Variants in INSRR observed in about 807,000 individuals in gnomAD.
INSRR encodes insulin receptor-related protein.
Under a neutral mutation model 130.0 loss-of-function variants are expected in INSRR, and 114 were observed. The observed-to-expected ratio is 0.88, with a 90% CI of 0.75 to 1.02. The LOEUF is 1.02. Ranked by LOEUF, INSRR falls within the 50% of genes least tolerant of loss-of-function variation. The probability of loss-of-function intolerance (pLI) is 0.00; values close to 1 mark genes in which losing one functional copy is unlikely to be tolerated. For missense variants in INSRR, 1,657 were observed against 1,735.2 expected, an observed-to-expected ratio of 0.95 and a Z score of 0.80; for synonymous variants, 674 against 705.2, an observed-to-expected ratio of 0.96 and a Z score of 0.70.
chr1:156,843,166 G>A lies in INSRR; in HGVS notation c.2964C>T (p.Gly988=). 6.2e-7 allele frequency: 1 copy of A among 1,614,076 alleles called. No individual in the cohort carries two copies. The highest frequency in any genetic ancestry group is 8.5e-7 in the Non-Finnish European group (1 of 1,180,048). ...GCCCCTCATATACCATCCCAAAAGA[G>A]CCCTGGCCCAGTTCCCGGATTATCG... ...QISIIRELGQ[G]SFGMVYEGLA... The change falls in exon 17 of 22, where the codon GGC becomes GGT. Residue 988 remains glycine, a synonymous_variant. Coordinates refer to ENST00000368195, the MANE Select transcript of INSRR (RefSeq NM_014215.3).
intron 7 of INSRR, among the ~76,000 whole-genome samples, chr1:156,848,157 C>T (rs535155141): frequency 6.6e-6 from 1 of 152,238 alleles, no homozygotes; most frequent in Admixed American, 6.5e-5. Context: ...AGGAGGGTCT[C>T]GGCCATTTGA....
intron 15 of INSRR, among the ~76,000 whole-genome samples, chr1:156,843,751 C>T (rs1480614898): frequency 6.6e-6 from 1 of 152,222 alleles, no homozygotes; most frequent in Non-Finnish European, 1.5e-5. Flanking sequence ...AGGTCCAGCC[C>T]CATTTTCCTC....
chr1:156,849,513 G>GGT, intron 5 of INSRR, 53 bp from the exon 6 acceptor site: 2 of 486,120 alleles, frequency 4.1e-6, no homozygotes, highest in Middle Eastern at 5.7e-4. Context: ...CAGGGGGTGG[G>GGT]AAAGGGGATG....
chr1:156,843,589 C>A, intron 15 of INSRR, 110 bp from the exon 16 acceptor site: 2 of 1,150,278 alleles, frequency 1.7e-6, no homozygotes, highest in East Asian at 2.3e-5. Context: ...ACTGACCACA[C>A]CCCCAGCCTT....
chr1:156,858,046 G>C (rs910989853), intron 1 of INSRR, among the ~76,000 whole-genome samples: 1 of 152,176 alleles, frequency 6.6e-6, no homozygotes, highest in East Asian at 1.9e-4. Context: ...GGCCCTAAGA[G>C]GGGGGACACA....
intron 4 of INSRR, 86 bp from the exon 5 acceptor site, chr1:156,851,520 G>C (rs1655206726): frequency 1.3e-6 from 2 of 1,598,138 alleles, no homozygotes; most frequent in East Asian, 2.2e-5. Context: ...GCCCCGGGAA[G>C]GTGGGCCCTC....
intron 6 of INSRR, 91 bp downstream of exon 6, chr1:156,849,155 C>CAA: frequency 6.2e-7 from 1 of 1,600,406 alleles, no homozygotes; most frequent in Non-Finnish European, 8.5e-7. Context: ...GAGAACTTCT[C>CAA]AGAGTGTCCC....
chr1:156,841,385 G>A lies in INSRR; in HGVS notation c.3662+9C>T. ...CAACAATGAGGAAGGGGCAGGGGAG[G>A]TGACTCACAGCTGAAGGGGACAGCC... On this transcript the variant is annotated intron_variant, in intron 21 of 21. Coordinates refer to ENST00000368195, the MANE Select transcript of INSRR (RefSeq NM_014215.3). 11 of 1,613,250 alleles carry A rather than the reference G, an allele frequency of 6.8e-6. No homozygotes were observed. The highest frequency in any genetic ancestry group is 7.6e-6 in the Non-Finnish European group (9 of 1,179,390).
At chr1:156,845,578 C>G (rs368132912) in intron 10 of INSRR, 41 bp downstream of exon 10, 43 of 1,535,566 alleles carry the variant, frequency 2.8e-5, no homozygotes, top group Non-Finnish European at 2.5e-5. Context: ...CTCACAGGCC[C>G]CACTCATCAG....
intron 1 of INSRR, among the ~76,000 whole-genome samples, chr1:156,855,680 C>T (rs1049053111): frequency 2.6e-5 from 4 of 151,990 alleles, no homozygotes; most frequent in Non-Finnish European, 4.4e-5. Flanking sequence ...CAAAAATTAG[C>T]CAGGCATGGT....
Position 156,849,272 on chromosome 1 carries a change from G to T in INSRR, c.1418C>A (p.Pro473His). The T allele has an allele frequency of 6.2e-7, 1 of 1,613,954 alleles. No homozygotes were observed. The highest frequency in any genetic ancestry group is 1.3e-5 in the African/African-American group (1 of 74,966). The change falls in exon 6 of 22, where the codon CCC becomes CAC. Residue 473 changes from proline to histidine, a missense_variant. Pro to His is a moderately conservative substitution (Grantham distance 77, BLOSUM62 -2). Transcript: ENST00000368195. ...RGRQNKAEIN[P>H]RTNGDRAACQ... Reference sequence around the variant, plus strand: ...GGCGGCGCGGTCTCCGTTGGTGCGGGGGTTGATCTCAGCCTTGTTCTGCCG... The same window carrying T: ...GGCGGCGCGGTCTCCGTTGGTGCGGTGGTTGATCTCAGCCTTGTTCTGCCG...
chr1:156,851,997 CAGCTGTGACACAGCGCCA>C lies in INSRR; in HGVS notation c.814_831del (p.Trp272_Ala277del), dbSNP rs765360387. On this transcript the variant is annotated inframe_deletion, in exon 3 of 22. Coordinates refer to ENST00000368195, the MANE Select transcript of INSRR (RefSeq NM_014215.3). ...ACAGAGTGCAGGCTGGCACAGCGCT[CAGCTGTGACACAGCGCCA>C]GGACTCATACTGGTAGGTGCCTGGC... 1 of 1,612,320 alleles carries C rather than the reference CAGCTGTGACACAGCGCCA, an allele frequency of 6.2e-7. No individual in the cohort carries two copies. The highest frequency in any genetic ancestry group is 1.1e-5 in the South Asian group (1 of 91,038).
Position 156,845,088 on chromosome 1 carries a change from T to C in INSRR, c.2425A>G (p.Thr809Ala), listed in dbSNP as rs748077768. 4.4e-6 allele frequency: 7 copies of C among 1,608,258 alleles called. No homozygotes were observed. The highest frequency in any genetic ancestry group is 5.9e-6 in the Non-Finnish European group (7 of 1,177,916). The change falls in exon 12 of 22, where the codon ACC (threonine) becomes GCC (alanine). Residue 809 changes from threonine (T) to alanine (A), a missense_variant. Transcript: ENST00000368195. ...GTGGATCACCTACTGTGGGGCATGG[T>C]GCGCGCAAAGACGAAGGTGGCGGCG... is the stretch of plus-strand genomic sequence containing the variant. ...CSAATFVFARTMPHREADGIP... is the reference protein window; with the variant it reads ...CSAATFVFARAMPHREADGIP...
chr1:156,849,734 C>G (rs896629041), intron 5 of INSRR, among the ~76,000 whole-genome samples: 1 of 152,068 alleles, frequency 6.6e-6, no homozygotes, highest in African/African-American at 2.4e-5. Context: ...TCCCTCGACT[C>G]TCTTTGAACT....
At position 156,854,174 on chromosome 1, in the gene INSRR, C is replaced by A; in HGVS notation, c.215G>T (p.Ser72Ile). Residue 72 changes from serine to isoleucine, a missense_variant, in exon 2 of 22, where the codon AGC (serine) becomes ATC (isoleucine). Transcript: ENST00000368195. The surrounding 1 kb of genome is among the most constrained non-coding windows in gnomAD (Gnocchi z 4.2). ...GGTGACCTGGGTGAGGCGAGGGAAG[C>A]TGAGGCCGCGGAAGTCCTCCCCGGT... ...TATGEDFRGL[S>I]FPRLTQVTDY... 1.2e-6 allele frequency: 2 copies of A among 1,614,142 alleles called. No homozygotes were observed. The highest frequency in any genetic ancestry group is 2.2e-5 in the East Asian group (1 of 44,890).
At chr1:156,843,345 A>G in intron 16 of INSRR, 82 bp downstream of exon 16, 1 of 1,572,478 alleles carries the variant, frequency 6.4e-7, no homozygotes, top group Admixed American at 1.7e-5. Flanking sequence ...TATCTTCTGC[A>G]AGAAGGTCTT....
chr1:156,849,502 G>GGGC, intron 5 of INSRR, 42 bp from the exon 6 acceptor site: 2 of 934,048 alleles, frequency 2.1e-6, no homozygotes, highest in Non-Finnish European at 3.4e-6. Context: ...GGAGGTGGGG[G>GGGC]CAGGGGGTGG....
intron 1 of INSRR, among the ~76,000 whole-genome samples, chr1:156,858,320 T>C (rs578258849): frequency 3.7e-4 from 57 of 152,312 alleles, no homozygotes; most frequent in Middle Eastern, 3.4e-3. Context: ...TGTCCACGTT[T>C]TGAAGCTCTT....
At chr1:156,849,491 G>A (rs1489562979) in intron 5 of INSRR, 31 bp from the exon 6 acceptor site, 1 of 1,416,564 alleles carries the variant, frequency 7.1e-7, no homozygotes, top group Non-Finnish European at 9.9e-7. Flanking sequence ...TTGCTCTGCG[G>A]GGAGGTGGGG....
Sources: allele counts gnomAD v4.1 joint callset (sites outside exome capture counted in the v4.1 genomes callset), GRCh38; gene constraint gnomAD v4.1.1; non-coding constraint Gnocchi (gnomAD v3.1); transcripts MANE v1.5; gene names NCBI Gene and HGNC (gene_info 2026-07-23, HGNC 2026-07-21).